Variants in HHAT observed in about 807,000 individuals in gnomAD.
HHAT encodes hedgehog acyltransferase.
A neutral mutation model predicts 70.8 loss-of-function variants in HHAT; 47 were observed. The observed-to-expected ratio is 0.66, with a 90% confidence interval of 0.53 to 0.85. The LOEUF is 0.85. Among genes scored for constraint, HHAT ranks in the 40% least tolerant of loss-of-function variants. HHAT has a pLI of 0.00. For synonymous variants in HHAT, 228 were observed against 247.6 expected, an observed-to-expected ratio of 0.92 and a Z score of 0.74; for missense variants, 609 against 604.8, an observed-to-expected ratio of 1.01 and a Z score of -0.07.
intron 11 of HHAT, among the ~76,000 whole-genome samples, chr1:210,672,250 A>G (rs1392088022): frequency 6.6e-6 from 1 of 152,206 alleles, no homozygotes; most frequent in Non-Finnish European, 1.5e-5. Flanking sequence ...TCCCCATGCC[A>G]TATTAATAAT....
chr1:210,398,236 T>G (rs1204740770), intron 4 of HHAT, among the ~76,000 whole-genome samples: 5 of 152,204 alleles, frequency 3.3e-5, no homozygotes, highest in Non-Finnish European at 5.9e-5. Flanking sequence ...AGGTGATTCT[T>G]TTTGCATTAT....
chr1:210,488,241 C>A (rs534344203), intron 8 of HHAT, among the ~76,000 whole-genome samples: 1 of 152,076 alleles, frequency 6.6e-6, no homozygotes, highest in South Asian at 2.1e-4. Flanking sequence ...ATCACAGATT[C>A]CCTCATCTCC....
chr1:210,399,607 C>T lies in HHAT; in HGVS notation c.274-861C>T, dbSNP rs6685791. Among the ~76,000 whole-genome samples the T allele has an allele frequency of 3.0e-3, 461 of 152,106 alleles. 4 individuals are homozygous for T. The highest frequency in any genetic ancestry group is 0.01 in the African/African-American group (428 of 41,488). ...GGTCACACAGGTAGTTATGAGACAC[C>T]AGCATTTGAATTTAGGCAGTTAGAC... On this transcript the variant is annotated intron_variant, in intron 4 of 11. Transcript: ENST00000261458.
At chr1:210,553,711 G>A (rs187858081) in intron 9 of HHAT, among the ~76,000 whole-genome samples, 18 of 152,204 alleles carry the variant, frequency 1.2e-4, no homozygotes, top group Admixed American at 8.5e-4. Flanking sequence ...TCATTTATCC[G>A]TGGACCTCAG....
intron 10 of HHAT, among the ~76,000 whole-genome samples, chr1:210,611,048 A>G (rs923539620): frequency 1.3e-5 from 2 of 152,138 alleles, no homozygotes; most frequent in Non-Finnish European, 2.9e-5. Context: ...AATTCTGTGA[A>G]TGATGTCAAT....
At chr1:210,405,508 A>G (rs1217490841) in intron 6 of HHAT, among the ~76,000 whole-genome samples, 1 of 152,198 alleles carries the variant, frequency 6.6e-6, no homozygotes, top group Non-Finnish European at 1.5e-5. Context: ...ACGTGCATAC[A>G]CAGACATGCA....
At chr1:210,444,787 T>G (rs1280193087) in intron 7 of HHAT, among the ~76,000 whole-genome samples, 1 of 152,126 alleles carries the variant, frequency 6.6e-6, no homozygotes, top group Non-Finnish European at 1.5e-5. Context: ...GTGCTGAGTT[T>G]ACAGACGTGA....
intron 11 of HHAT, among the ~76,000 whole-genome samples, chr1:210,639,442 G>T (rs544469061): frequency 1.3e-5 from 2 of 152,336 alleles, no homozygotes; most frequent in South Asian, 2.1e-4. Context: ...CAGAGGAAAT[G>T]CTCTTTATCA....
intron 11 of HHAT, among the ~76,000 whole-genome samples, chr1:210,668,271 CATACAA>C (rs1388646651): frequency 2.0e-5 from 3 of 152,172 alleles, no homozygotes; most frequent in African/African-American, 7.2e-5. Context: ...ATGAACATGG[CATACAA>C]ATACCTCTTC....
At chr1:210,582,739 A>G (rs1466062931) in intron 9 of HHAT, among the ~76,000 whole-genome samples, 1 of 152,228 alleles carries the variant, frequency 6.6e-6, no homozygotes, top group Non-Finnish European at 1.5e-5. Flanking sequence ...AGACGTCTGC[A>G]GGATGTCAGG....
intron 7 of HHAT, among the ~76,000 whole-genome samples, chr1:210,434,634 A>T (rs1445131553): frequency 6.6e-6 from 1 of 151,266 alleles, no homozygotes; most frequent in Admixed American, 6.6e-5. Context: ...GGCTCAAGGG[A>T]GTGTCCACAT....
chr1:210,367,701 T>G (rs1340193554), intron 3 of HHAT, among the ~76,000 whole-genome samples: 1 of 152,212 alleles, frequency 6.6e-6, no homozygotes, highest in East Asian at 1.9e-4. Flanking sequence ...TGTTCAGGTT[T>G]GGAGGATTAC....
At chr1:210,638,154 T>C (rs1159227996) in intron 11 of HHAT, among the ~76,000 whole-genome samples, 1 of 152,158 alleles carries the variant, frequency 6.6e-6, no homozygotes, top group African/African-American at 2.4e-5. Context: ...AAGTTAAACA[T>C]AGAGTTACTA....
chr1:210,596,480 G>A (rs4845062), intron 10 of HHAT, among the ~76,000 whole-genome samples: 146,274 of 152,032 alleles, frequency 0.96, 70,606 homozygotes, highest in East Asian at 1. Flanking sequence ...TTTCGAGGCT[G>A]TTTTCTAGAT....
At chr1:210,636,160 A>G (rs1426918272) in intron 11 of HHAT, among the ~76,000 whole-genome samples, 1 of 152,114 alleles carries the variant, frequency 6.6e-6, no homozygotes, top group Non-Finnish European at 1.5e-5. Flanking sequence ...TGTGCTGCCC[A>G]TTATCTTGCT....
intron 11 of HHAT, among the ~76,000 whole-genome samples, chr1:210,627,371 G>T (rs114931209): frequency 2.6e-4 from 39 of 152,140 alleles, no homozygotes; most frequent in Non-Finnish European, 5.0e-4. Flanking sequence ...TGGAAAAGTT[G>T]TCTTAAAATT....
At chr1:210,409,691 G>A (rs1408487061) in intron 6 of HHAT, among the ~76,000 whole-genome samples, 2 of 152,178 alleles carry the variant, frequency 1.3e-5, no homozygotes, top group Non-Finnish European at 2.9e-5. Flanking sequence ...TGTATTATTC[G>A]TGTATGAAGA....
At chr1:210,618,673 C>G (rs1668238660) in intron 10 of HHAT, among the ~76,000 whole-genome samples, 2 of 152,134 alleles carry the variant, frequency 1.3e-5, no homozygotes. Flanking sequence ...CCCACAGCCT[C>G]CAGCCCGACT....
intron 6 of HHAT, among the ~76,000 whole-genome samples, chr1:210,416,430 G>A (rs2092723059): frequency 6.6e-6 from 1 of 152,208 alleles, no homozygotes; most frequent in South Asian, 2.1e-4. Context: ...TCTTGTCATT[G>A]TGAGATCCAG....
Sources: gnomAD v4.1 joint callset for allele counts (sites outside exome capture counted in the v4.1 genomes callset) on GRCh38, gnomAD v4.1.1 for gene constraint, MANE v1.5 for transcripts, NCBI Gene and HGNC (gene_info 2026-07-23, HGNC 2026-07-21) for gene names.